ERBB2: variants seen among roughly 807,000 people sequenced by gnomAD.
ERBB2 encodes receptor tyrosine-protein kinase erbB-2.
A neutral mutation model predicts 149.0 loss-of-function variants in ERBB2; 61 were observed. The ratio of observed to expected loss-of-function variants is 0.41; its 90% CI spans 0.33 to 0.51. The LOEUF is 0.51. Among genes scored for constraint, ERBB2 ranks in the 20% least tolerant of loss-of-function variants. The pLI is 0.25. For synonymous variants in ERBB2, 633 were observed against 678.8 expected, an observed-to-expected ratio of 0.93 and a Z score of 1.05; for missense variants, 1,205 against 1,655.1, an observed-to-expected ratio of 0.73 and a Z score of 4.72.
At chr17:39,719,567 A>T (rs539793175) in intron 15 of ERBB2, among the ~76,000 whole-genome samples, 1 of 152,292 alleles carries the variant, frequency 6.6e-6, no homozygotes, top group South Asian at 2.1e-4. Context: ...ATCCACCACA[A>T]GGAGCTGCAG....
chr17:39,695,615 C>A (rs950404747), upstream of ERBB2, among the ~76,000 whole-genome samples: 8 of 151,738 alleles, frequency 5.3e-5, no homozygotes, highest in Admixed American at 2.0e-4. Context: ...GTGGACCAGA[C>A]GACTCCTCCC....
rs1045031754 is a variant in ERBB2 at position 39,723,523 on chromosome 17, A to G, written c.2086-15A>G. 4 of 1,611,718 alleles carry G rather than the reference A, an allele frequency of 2.5e-6. No homozygotes were observed. Among genetic ancestry groups the G allele is most frequent in the Non-Finnish European group, 3.4e-6 (4 of 1,179,136 alleles). ...CACCGGCCCCCGGCACTGACCCACC[A>G]CCCCCTCACCCCAGCTGGTGGAGCC... On this transcript the variant is annotated splice_polypyrimidine_tract_variant and intron_variant, in intron 17 of 26. Coordinates refer to ENST00000269571, the MANE Select transcript of ERBB2 (RefSeq NM_004448.4). This position sits in a 1 kb window ranked among gnomAD's most constrained non-coding sequence, Gnocchi z 6.2.
chr17:39,725,620 TGATGCTAGACTCCTGAGCA>T lies in ERBB2; in HGVS notation c.2726-84_2726-66del. On this transcript the variant is annotated intron_variant, in intron 22 of 26. Coordinates refer to ENST00000269571, the MANE Select transcript of ERBB2 (RefSeq NM_004448.4). This position sits in a 1 kb window ranked among gnomAD's most constrained non-coding sequence, Gnocchi z 4.6. ...TCACATCTCCCCCTGCTACCTGCCA[TGATGCTAGACTCCTGAGCA>T]GAACCTCTGGCTCAGTACACTAAAG... 1 of 1,441,102 alleles carries T rather than the reference TGATGCTAGACTCCTGAGCA, an allele frequency of 6.9e-7. No homozygotes were observed. Among genetic ancestry groups the T allele is most frequent in the Non-Finnish European group, 9.5e-7 (1 of 1,055,244 alleles). The allele number at this position is 1,441,102 out of a possible 1,614,324, so 89.3% of individuals were successfully genotyped here.
At chr17:39,714,777 T>C (rs796667022) in intron 9 of ERBB2, among the ~76,000 whole-genome samples, 45 of 151,528 alleles carry the variant, frequency 3.0e-4, no homozygotes, top group African/African-American at 9.9e-4. Context: ...CTTTTCTTTT[T>C]TTTTTTTTTT....
chr17:39,706,944 A>G (rs2058477314), intron 1 of ERBB2, 46 bp from the exon 2 acceptor site: 1 of 1,467,410 alleles, frequency 6.8e-7, no homozygotes, highest in African/African-American at 1.4e-5. Context: ...AGGTCTGAGA[A>G]GGTCCCCCGC....
In ERBB2 at chr17:39,725,966, T is replaced by C. The variant is rs2143095563; in HGVS notation, c.2872+113T>C. 8.8e-7 allele frequency: 1 copy of C among 1,138,268 alleles called. No homozygotes were observed. Among genetic ancestry groups the C allele is most frequent in the Middle Eastern group, 2.5e-4 (1 of 4,004 alleles). The allele number at this position is 1,138,268 out of a possible 1,614,324, so 70.5% of individuals were successfully genotyped here. On this transcript the variant is annotated intron_variant, in intron 23 of 26. Transcript: ENST00000269571. The surrounding 1 kb of genome is among the most constrained non-coding windows in gnomAD (Gnocchi z 4.6). ...ATGTATGTAGACCCAGGAGCCCTAG[T>C]ATGTTAGGAGCCTCAAAACCTTCTT...
At chr17:39,713,758 GAA>G (rs774902171) in intron 9 of ERBB2, among the ~76,000 whole-genome samples, 28 of 88,904 alleles carry the variant, frequency 3.1e-4, no homozygotes, top group African/African-American at 8.7e-4. Flanking sequence ...GTCTCAAAAA[GAA>G]AAAAAAAAAA....
At position 39,725,623 on chromosome 17, in the gene ERBB2, TG is replaced by T; in HGVS notation, c.2726-83del. ...CATCTCCCCCTGCTACCTGCCATGA[TG>T]CTAGACTCCTGAGCAGAACCTCTGG... On this transcript the variant is annotated intron_variant, in intron 22 of 26. Coordinates refer to ENST00000269571, the MANE Select transcript of ERBB2 (RefSeq NM_004448.4). This position sits in a 1 kb window ranked among gnomAD's most constrained non-coding sequence, Gnocchi z 4.6. The T allele has an allele frequency of 6.9e-7, 1 of 1,455,588 alleles. No homozygotes were observed. The highest frequency in any genetic ancestry group is 9.4e-7 in the Non-Finnish European group (1 of 1,067,332). 90.2% of individuals were successfully genotyped at this position (1,455,588 alleles called of 1,614,324 possible). A position where few individuals can be genotyped will look rare whatever the true frequency, so the allele number is the denominator to read the frequency against.
In ERBB2 at chr17:39,725,307, T is replaced by A. The variant is rs1418635136; in HGVS notation, c.2650-20T>A. Reference sequence around the variant, plus strand: ...TCCCCACAACACACAGTTGGAGGACTTCCTCTTCTGCCCTCCCAGGTGCCC... The same window carrying A: ...TCCCCACAACACACAGTTGGAGGACATCCTCTTCTGCCCTCCCAGGTGCCC... On this transcript the variant is annotated intron_variant, in intron 21 of 26. Transcript: ENST00000269571. The surrounding 1 kb of genome is among the most constrained non-coding windows in gnomAD (Gnocchi z 4.6). The A allele has an allele frequency of 6.2e-7, 1 of 1,613,764 alleles. No homozygotes were observed. The highest frequency in any genetic ancestry group is 8.5e-7 in the Non-Finnish European group (1 of 1,179,772).
intron 1 of ERBB2, among the ~76,000 whole-genome samples, chr17:39,700,979 T>C (rs1238551876): frequency 3.5e-5 from 5 of 142,320 alleles, no homozygotes; most frequent in African/African-American, 1.3e-4. Flanking sequence ...GCTTAGGGAC[T>C]GTGCTCTGTG....
intron 16 of ERBB2, 34 bp downstream of exon 16, chr17:39,719,868 C>A (rs2059354707): frequency 6.2e-7 from 1 of 1,604,984 alleles, no homozygotes. Context: ...CCCTTCATTG[C>A]CCTTCACTCC....
chr17:39,714,470 C>T (rs1358975768), intron 9 of ERBB2, among the ~76,000 whole-genome samples: 1 of 152,206 alleles, frequency 6.6e-6, no homozygotes, highest in East Asian at 1.9e-4. Flanking sequence ...GGGGCAAGAA[C>T]AGTCCCAACT....
upstream of ERBB2, among the ~76,000 whole-genome samples, chr17:39,693,973 G>A (rs906466271): frequency 2.7e-5 from 4 of 148,568 alleles, no homozygotes; most frequent in African/African-American, 9.8e-5. Context: ...ATCACCTGAG[G>A]TCAGGAGTTT....
At position 39,726,490 on chromosome 17, in the gene ERBB2, G is replaced by A. The variant is rs779557657; in HGVS notation, c.2873-72G>A. On this transcript the variant is annotated intron_variant, in intron 23 of 26. Transcript: ENST00000269571. This position sits in a 1 kb window ranked among gnomAD's most constrained non-coding sequence, Gnocchi z 5.1. ...TGGGACTGTCTAGACCAGACTGGAGGGGGAGTGGGAGGGGAGAGGCAGCAA... is the reference window on the plus strand; with the variant it reads ...TGGGACTGTCTAGACCAGACTGGAGAGGGAGTGGGAGGGGAGAGGCAGCAA... The A allele has an allele frequency of 3.9e-6, 5 of 1,268,054 alleles. No individual in the cohort carries two copies. Among genetic ancestry groups the A allele is most frequent in the Non-Finnish European group, 4.6e-6 (4 of 871,802 alleles). The allele number at this position is 1,268,054 out of a possible 1,614,324, so 78.6% of individuals were successfully genotyped here.
At chr17:39,712,070 G>A (rs769733257) in intron 8 of ERBB2, 23 bp downstream of exon 8, 10 of 1,613,476 alleles carry the variant, frequency 6.2e-6, no homozygotes, top group Non-Finnish European at 6.8e-6. Flanking sequence ...TGCCCCCGAG[G>A]CCAGCTGCAG....
upstream of ERBB2, among the ~76,000 whole-genome samples, chr17:39,695,402 C>T (rs768531274): frequency 2.6e-5 from 4 of 152,034 alleles, no homozygotes; most frequent in Non-Finnish European, 5.9e-5. Context: ...TACAAGTGCT[C>T]ATCAAGGGCC....
At chr17:39,720,812 G>A (rs1013693003) in intron 16 of ERBB2, among the ~76,000 whole-genome samples, 2 of 152,116 alleles carry the variant, frequency 1.3e-5, no homozygotes, top group Non-Finnish European at 2.9e-5. Context: ...ACCACACCCA[G>A]CTAATTTTTG....
rs145772320 is a variant in ERBB2 at position 39,727,896 on chromosome 17, C to T, written c.3620C>T (p.Pro1207Leu). Reference sequence around the variant, plus strand: ...CCCCAGGGAGGAGCTGCCCCTCAGCCCCACCCTCCTCCTGCCTTCAGCCCA... The same window carrying T: ...CCCCAGGGAGGAGCTGCCCCTCAGCTCCACCCTCCTCCTGCCTTCAGCCCA... ...LTPQGGAAPQ[P>L]HPPPAFSPAF... Residue 1207 changes from proline to leucine, a missense_variant, in exon 27 of 27, where the codon CCC (proline) becomes CTC (leucine). Around this residue, in one of 6 missense-constraint regions of ERBB2, gnomAD observed 312 missense variants for 343.8 expected, o/e 0.91. Coordinates refer to ENST00000269571, the MANE Select transcript of ERBB2 (RefSeq NM_004448.4). This position sits in a 1 kb window ranked among gnomAD's most constrained non-coding sequence, Gnocchi z 4.3. 3.2e-5 allele frequency: 52 copies of T among 1,613,980 alleles called. No homozygotes were observed. The highest frequency in any genetic ancestry group is 5.3e-5 in the African/African-American group (4 of 74,896).
At position 39,726,756 on chromosome 17, in the gene ERBB2, C is replaced by T. The variant is rs1393993011; in HGVS notation, c.2971-59C>T. 3.3e-5 allele frequency: 52 copies of T among 1,592,474 alleles called. No individual in the cohort carries two copies. The highest frequency in any genetic ancestry group is 4.0e-5 in the Non-Finnish European group (46 of 1,160,822). On this transcript the variant is annotated intron_variant, in intron 24 of 26. Transcript: ENST00000269571. This position sits in a 1 kb window ranked among gnomAD's most constrained non-coding sequence, Gnocchi z 5.1. ...TGAGTCCAGTATGCCAGGCCCCTCACGGAAGGCTGCATGCTGGGCTGGGGA... is the reference window on the plus strand; with the variant it reads ...TGAGTCCAGTATGCCAGGCCCCTCATGGAAGGCTGCATGCTGGGCTGGGGA...
Sources: gnomAD v4.1 joint callset for allele counts (sites outside exome capture counted in the v4.1 genomes callset) on GRCh38, gnomAD v4.1.1 for gene constraint, gnomAD v4.1.1 regional missense constraint, Gnocchi (gnomAD v3.1) non-coding constraint, MANE v1.5 for transcripts, NCBI Gene and HGNC (gene_info 2026-07-23, HGNC 2026-07-21) for gene names.